The following MAP4K3 variants were observed in gnomAD, a reference collection of about 807,000 sequenced individuals.
The protein encoded by MAP4K3 is mitogen-activated protein kinase kinase kinase kinase 3, also known as MAPK/ERK kinase kinase kinase 3.
A neutral mutation model predicts 143.5 loss-of-function variants in MAP4K3; 94 were observed. The ratio of observed to expected loss-of-function variants is 0.65; its 90% CI spans 0.55 to 0.78. The LOEUF is 0.78. MAP4K3 is among the 30% of genes least tolerant of loss of function. The probability of loss-of-function intolerance (pLI) is 0.00; values close to 1 mark genes in which losing one functional copy is unlikely to be tolerated. For synonymous variants in MAP4K3, 416 were observed against 347.2 expected (o/e 1.20, Z -2.20); for missense variants, 1,077 against 1,068.1 (o/e 1.01, Z -0.12).
chr2:39,303,179 G>C (rs1682572667), intron 15 of MAP4K3: 1 of 167,038 alleles, frequency 6.0e-6, no homozygotes, highest in South Asian at 2.1e-4. Flanking sequence ...AAGAGAACAG[G>C]AGAAATATTT....
intron 15 of MAP4K3, among the ~76,000 whole-genome samples, chr2:39,306,509 T>A (rs934905246): frequency 1.3e-5 from 2 of 152,230 alleles, no homozygotes; most frequent in Non-Finnish European, 2.9e-5. Context: ...ATGTTAAACA[T>A]AGGCATCATC....
At chr2:39,341,082 C>T (rs1052415005) in intron 4 of MAP4K3, among the ~76,000 whole-genome samples, 2 of 152,060 alleles carry the variant, frequency 1.3e-5, no homozygotes, top group East Asian at 3.9e-4. Context: ...TGTTAAGTCC[C>T]AAGCAGAAAA....
chr2:39,333,698 T>A, intron 6 of MAP4K3, 124 bp from the exon 7 acceptor site: 1 of 514,036 alleles, frequency 1.9e-6, no homozygotes, highest in Non-Finnish European at 3.4e-6. Context: ...AAAGTGTGCT[T>A]AATTAAAATG....
intron 1 of MAP4K3, among the ~76,000 whole-genome samples, chr2:39,435,388 G>C (rs926385534): frequency 6.6e-6 from 1 of 152,156 alleles, no homozygotes; most frequent in Non-Finnish European, 1.5e-5. Flanking sequence ...CTCCCGCTCT[G>C]GCTGCTCAGG....
chr2:39,381,304 T>G (rs1310113342), intron 1 of MAP4K3, among the ~76,000 whole-genome samples: 1 of 152,240 alleles, frequency 6.6e-6, no homozygotes, highest in African/African-American at 2.4e-5. Context: ...TTTGGAGAAC[T>G]GTCTATTCAA....
chr2:39,359,809 C>T (rs1323650094), intron 2 of MAP4K3, among the ~76,000 whole-genome samples: 3 of 152,360 alleles, frequency 2.0e-5, no homozygotes, highest in Non-Finnish European at 4.4e-5. Flanking sequence ...CCCCTTTTAG[C>T]CACGGCTGGA....
intron 27 of MAP4K3, 38 bp downstream of exon 27, chr2:39,267,151 G>A: frequency 1.3e-6 from 2 of 1,593,396 alleles, no homozygotes; most frequent in Non-Finnish European, 1.7e-6. Flanking sequence ...TTTAGGAGGA[G>A]TCTCAGAGAG....
chr2:39,292,038 TA>T (rs562147179), intron 18 of MAP4K3, among the ~76,000 whole-genome samples: 3,061 of 143,384 alleles, frequency 0.021, 36 homozygotes, highest in East Asian at 0.044. Context: ...GCATCTTTAT[TA>T]AAAAAAAAAA....
intron 1 of MAP4K3, among the ~76,000 whole-genome samples, chr2:39,430,100 G>A (rs954086800): frequency 1.3e-5 from 2 of 152,212 alleles, no homozygotes; most frequent in African/African-American, 4.8e-5. Flanking sequence ...ACACAAGACT[G>A]GGTAATTTAT....
intron 1 of MAP4K3, among the ~76,000 whole-genome samples, chr2:39,406,489 G>A (rs1011938468): frequency 6.6e-6 from 1 of 152,160 alleles, no homozygotes; most frequent in South Asian, 2.1e-4. Flanking sequence ...AGCAGCAAGA[G>A]AAAGGAAAAT....
At chr2:39,402,979 C>T (rs143227535) in intron 1 of MAP4K3, among the ~76,000 whole-genome samples, 12 of 152,150 alleles carry the variant, frequency 7.9e-5, no homozygotes, top group African/African-American at 2.9e-4. Flanking sequence ...TTGAAAGACA[C>T]AAACTACCAA....
intron 1 of MAP4K3, among the ~76,000 whole-genome samples, chr2:39,416,819 A>T (rs1667395325): frequency 6.6e-6 from 1 of 152,204 alleles, no homozygotes; most frequent in African/African-American, 2.4e-5. Flanking sequence ...TTTTGGCAGT[A>T]TAGCCGAATG....
At chr2:39,271,806 AG>A (rs1681037362) in intron 26 of MAP4K3, 1 of 154,890 alleles carries the variant, frequency 6.5e-6, no homozygotes, top group African/African-American at 2.4e-5. Flanking sequence ...TATGTTGCTC[AG>A]GCTGGTCTTG....
At chr2:39,383,835 T>C (rs61344670) in intron 1 of MAP4K3, among the ~76,000 whole-genome samples, 11,547 of 152,206 alleles carry the variant, frequency 0.076, 1,480 homozygotes, top group African/African-American at 0.26. Flanking sequence ...CACATGTACA[T>C]GGCTCATGTC....
intron 4 of MAP4K3, among the ~76,000 whole-genome samples, chr2:39,339,234 T>G (rs1573171605): frequency 6.6e-6 from 1 of 152,324 alleles, no homozygotes; most frequent in East Asian, 1.9e-4. Context: ...GGGTTGGGTT[T>G]AAATGTCTAT....
chr2:39,327,070 C>A (rs539725505), intron 8 of MAP4K3, among the ~76,000 whole-genome samples: 1 of 152,092 alleles, frequency 6.6e-6, no homozygotes, highest in African/African-American at 2.4e-5. Context: ...TTCTAATAGA[C>A]CAACACGTCC....
At chr2:39,424,830 CAAAAAA>C (rs58960920) in intron 1 of MAP4K3, among the ~76,000 whole-genome samples, 14 of 68,174 alleles carry the variant, frequency 2.1e-4, no homozygotes, top group Non-Finnish European at 3.0e-4. Context: ...TAACCTGACT[CAAAAAA>C]AAAAAAAAAA....
At chr2:39,276,490 C>A (rs997033195) in intron 24 of MAP4K3, among the ~76,000 whole-genome samples, 1 of 152,190 alleles carries the variant, frequency 6.6e-6, no homozygotes, top group Non-Finnish European at 1.5e-5. Flanking sequence ...AGTAGTTAAG[C>A]ACATGGAATC....
intron 21 of MAP4K3, among the ~76,000 whole-genome samples, chr2:39,286,249 C>G (rs1228839971): frequency 6.6e-6 from 1 of 152,194 alleles, no homozygotes; most frequent in Non-Finnish European, 1.5e-5. Flanking sequence ...CACTTCACAA[C>G]AGGGTTTGCA....
Sources: gnomAD v4.1 joint callset for allele counts (sites outside exome capture counted in the v4.1 genomes callset) on GRCh38, gnomAD v4.1.1 for gene constraint, MANE v1.5 for transcripts, NCBI Gene and HGNC (gene_info 2026-07-23, HGNC 2026-07-21) for gene names.